SWT1: variants seen among roughly 807,000 people sequenced by gnomAD.
SWT1 encodes transcriptional protein SWT1.
Under a neutral mutation model 107.3 loss-of-function variants are expected in SWT1, and 33 were observed. The observed-to-expected ratio is 0.31, with a 90% CI of 0.23 to 0.41. The LOEUF (loss-of-function observed/expected upper bound fraction) is 0.41, where lower values mean the gene tolerates loss of function less well. Ranked by LOEUF, SWT1 falls within the 10% of genes least tolerant of loss-of-function variation. The pLI is 1.00. For synonymous variants in SWT1, 345 were observed against 348.3 expected, an observed-to-expected ratio of 0.99 and a Z score of 0.11; for missense variants, 898 against 1,028.9, an observed-to-expected ratio of 0.87 and a Z score of 1.74.
chr1:185,213,707 CT>C (rs1558045487), intron 13 of SWT1, among the ~76,000 whole-genome samples: 1 of 152,042 alleles, frequency 6.6e-6, no homozygotes, highest in Non-Finnish European at 1.5e-5. Flanking sequence ...TAGCATTCTG[CT>C]TTAATAATGG....
intron 16 of SWT1, among the ~76,000 whole-genome samples, chr1:185,235,249 G>A (rs982797301): frequency 6.6e-6 from 1 of 152,172 alleles, no homozygotes; most frequent in Non-Finnish European, 1.5e-5. Flanking sequence ...AAACCTGGCA[G>A]AGACACAACA....
chr1:185,251,218 T>C (rs1037585982), intron 16 of SWT1: 8 of 152,256 alleles, frequency 5.3e-5, no homozygotes, highest in Non-Finnish European at 1.0e-4. Flanking sequence ...CACAACATCC[T>C]GAACTGGTGC....
rs562992198 is a variant in SWT1, at chr1:185,208,683, G to C, written c.1972+1920G>C. On this transcript the variant is annotated intron_variant, in intron 13 of 18. Transcript: ENST00000367500. ...CGATAAATAAATATTTCCCCTAGGG[G>C]ATTTAAAGCACCTAGTCATTTCCTT... 4.6e-5 allele frequency among the ~76,000 whole-genome samples: 7 copies of C among 151,638 alleles called. No individual in the cohort carries two copies. The South Asian group carries it at 1.5e-3, about 32-fold the overall frequency.
At chr1:185,265,055 A>G (rs1663276944) in intron 16 of SWT1, among the ~76,000 whole-genome samples, 1 of 152,200 alleles carries the variant, frequency 6.6e-6, no homozygotes, top group Non-Finnish European at 1.5e-5. Flanking sequence ...AACTTAAAAA[A>G]TAAAAGATTT....
At chr1:185,272,676 A>G (rs1343750268) in intron 17 of SWT1, among the ~76,000 whole-genome samples, 1 of 152,220 alleles carries the variant, frequency 6.6e-6, no homozygotes, top group Non-Finnish European at 1.5e-5. Context: ...TAGGTAAATT[A>G]TTTGTATTCT....
Position 185,290,765 on chromosome 1 carries a change from A to AG in SWT1, c.2669dup (p.Trp891MetfsTer3). Reference sequence around the variant, plus strand: ...ATCTGTTTATATGGAGGCCAAAAACAGGGGATGGTGTGAAGACATGCTCAA... The same window carrying AG: ...ATCTGTTTATATGGAGGCCAAAAACAGGGGGATGGTGTGAAGACATGCTCAA... On this transcript the variant is annotated frameshift_variant, in exon 19 of 19. Transcript: ENST00000367500. LOFTEE classifies it high-confidence loss of function. The AG allele has an allele frequency of 1.2e-6, 2 of 1,611,820 alleles. No individual in the cohort carries two copies. Among genetic ancestry groups the AG allele is most frequent in the Non-Finnish European group, 1.7e-6 (2 of 1,178,558 alleles).
At chr1:185,158,694 CT>C (rs1258202521) in intron 1 of SWT1, among the ~76,000 whole-genome samples, 1 of 152,076 alleles carries the variant, frequency 6.6e-6, no homozygotes, top group Non-Finnish European at 1.5e-5. Flanking sequence ...ATGGTCTGTG[CT>C]TGTAAGACAT....
At chr1:185,227,249 A>G in intron 15 of SWT1, 1 of 769,234 alleles carries the variant, frequency 1.3e-6, no homozygotes, top group South Asian at 1.3e-5. Context: ...TAATTCTGGC[A>G]AGACCTGCAT....
intron 2 of SWT1, among the ~76,000 whole-genome samples, chr1:185,163,512 G>T (rs1654330299): frequency 6.6e-6 from 1 of 150,864 alleles, no homozygotes; most frequent in African/African-American, 2.4e-5. Flanking sequence ...TCTTGCCTCA[G>T]CCTCCCAAGT....
intron 2 of SWT1, among the ~76,000 whole-genome samples, chr1:185,161,559 G>C (rs537507252): frequency 6.6e-6 from 1 of 151,834 alleles, no homozygotes; most frequent in African/African-American, 2.4e-5. Context: ...AAAGCCAGAC[G>C]TGATGGTGTG....
At position 185,184,285 on chromosome 1, in the gene SWT1, CAA is replaced by C. The variant is rs754410433; in HGVS notation, c.1183_1184del (p.Asn395TyrfsTer10). On this transcript the variant is annotated frameshift_variant, in exon 8 of 19. Coordinates refer to ENST00000367500, the MANE Select transcript of SWT1 (RefSeq NM_017673.7). LOFTEE classifies it high-confidence loss of function. ...AGAAAGCTTCTAATTGTTATTGACA[CAA>C]ATATTCTGATGAATCATCTCAAATT... 1 of 1,575,288 alleles carries C rather than the reference CAA, an allele frequency of 6.3e-7. No individual in the cohort carries two copies.
At chr1:185,158,631 G>A (rs946225015) in intron 1 of SWT1, among the ~76,000 whole-genome samples, 3 of 151,942 alleles carry the variant, frequency 2.0e-5, no homozygotes, top group Non-Finnish European at 4.4e-5. Context: ...AGATTAAAAG[G>A]GTCAGATTTT....
At chr1:185,287,494 G>A (rs889430773) in intron 18 of SWT1, among the ~76,000 whole-genome samples, 7 of 151,984 alleles carry the variant, frequency 4.6e-5, no homozygotes, top group Non-Finnish European at 7.4e-5. Flanking sequence ...GAGAGTTTTT[G>A]TTTTATTTTA....
intron 16 of SWT1, among the ~76,000 whole-genome samples, chr1:185,263,048 A>G (rs374644987): frequency 4.6e-5 from 7 of 152,212 alleles, no homozygotes; most frequent in African/African-American, 1.4e-4. Flanking sequence ...CAGCCTTCTG[A>G]AGTGCTGGCA....
At chr1:185,180,362 C>T (rs1454308878) in intron 5 of SWT1, 29 bp from the exon 6 acceptor site, 1 of 1,580,838 alleles carries the variant, frequency 6.3e-7, no homozygotes, top group East Asian at 2.2e-5. Flanking sequence ...ATGCTTTATT[C>T]TTAGCTAATG....
chr1:185,226,911 T>C, intron 15 of SWT1: 4 of 1,245,690 alleles, frequency 3.2e-6, no homozygotes, highest in Non-Finnish European at 4.6e-6. Flanking sequence ...CCACCTCTTC[T>C]TTTTAACTTC....
At chr1:185,160,982 A>C in intron 2 of SWT1, 57 bp downstream of exon 2, 1 of 1,184,308 alleles carries the variant, frequency 8.4e-7, no homozygotes. Flanking sequence ...TTGCTTAATG[A>C]AAAAAATACA....
intron 4 of SWT1, chr1:185,171,399 T>C: frequency 9.4e-6 from 2 of 212,368 alleles, no homozygotes; most frequent in South Asian, 6.8e-5. Flanking sequence ...TCATAACCCC[T>C]TTTGCTGTTA....
chr1:185,283,491 C>G (rs77006827), intron 18 of SWT1, among the ~76,000 whole-genome samples: 1 of 151,956 alleles, frequency 6.6e-6, no homozygotes, highest in African/African-American at 2.4e-5. Flanking sequence ...ACTTTTTTTT[C>G]TGTCTTGTAA....
Sources: gnomAD v4.1 joint callset for allele counts (sites outside exome capture counted in the v4.1 genomes callset) on GRCh38, gnomAD v4.1.1 for gene constraint, MANE v1.5 for transcripts, NCBI Gene and HGNC (gene_info 2026-07-23, HGNC 2026-07-21) for gene names.